PCDH15: variants seen among roughly 807,000 people sequenced by gnomAD.
PCDH15 encodes the protein protocadherin related 15, also known as protocadherin-15.
Under a neutral mutation model 178.5 loss-of-function variants are expected in PCDH15, and 129 were observed. The observed-to-expected ratio is 0.72, with a 90% confidence interval of 0.63 to 0.84. The LOEUF (loss-of-function observed/expected upper bound fraction) is 0.84. PCDH15 is among the 40% of genes least tolerant of loss of function. PCDH15 has a pLI of 0.00. For missense variants in PCDH15, 2,230 were observed against 2,099.9 expected, an observed-to-expected ratio of 1.06 and a Z score of -1.21; for synonymous variants, 800 against 732.0, an observed-to-expected ratio of 1.09 and a Z score of -1.50.
chr10:54,928,876 C>A (rs898031886), intron 2 of PCDH15, among the ~76,000 whole-genome samples: 6 of 152,076 alleles, frequency 3.9e-5, no homozygotes, highest in African/African-American at 1.4e-4. Context: ...TCAACATACT[C>A]CTGCACCTCA....
intron 8 of PCDH15, among the ~76,000 whole-genome samples, chr10:54,307,647 A>G (rs555894871): frequency 2.6e-4 from 40 of 152,128 alleles, no homozygotes; most frequent in African/African-American, 9.4e-4. Context: ...TGCATAATTA[A>G]TTCAGCACAA....
intron 2 of PCDH15, among the ~76,000 whole-genome samples, chr10:55,091,394 T>C (rs890563417): frequency 1.3e-5 from 2 of 151,920 alleles, no homozygotes; most frequent in Non-Finnish European, 2.9e-5. Flanking sequence ...CACCAGTTTC[T>C]ATAGTTTTCC....
intron 3 of PCDH15, among the ~76,000 whole-genome samples, chr10:54,407,378 A>C (rs1011904768): frequency 2.0e-5 from 3 of 152,114 alleles, no homozygotes; most frequent in African/African-American, 7.2e-5. Flanking sequence ...TCAAATATCC[A>C]TAAATATAAT....
chr10:55,454,412 T>TA (rs1457755457), intron 2 of PCDH15, among the ~76,000 whole-genome samples: 2 of 151,998 alleles, frequency 1.3e-5, no homozygotes, highest in African/African-American at 2.4e-5. Context: ...AACAAAACTA[T>TA]AAAAAAAATC....
chr10:55,446,862 C>T (rs60957707), intron 2 of PCDH15, among the ~76,000 whole-genome samples: 1 of 152,014 alleles, frequency 6.6e-6, no homozygotes, highest in Non-Finnish European at 1.5e-5. Flanking sequence ...CACCACTCAG[C>T]TAAGACTTGT....
intron 2 of PCDH15, among the ~76,000 whole-genome samples, chr10:54,643,250 CAT>C (rs1296058321): frequency 1.3e-5 from 2 of 152,130 alleles, no homozygotes; most frequent in Non-Finnish European, 2.9e-5. Flanking sequence ...CCTACTCTGA[CAT>C]ATGTTTTTTC....
intron 3 of PCDH15, among the ~76,000 whole-genome samples, chr10:54,839,485 G>A (rs979137423): frequency 2.0e-5 from 3 of 151,858 alleles, no homozygotes; most frequent in African/African-American, 4.8e-5. Context: ...AGAAATAAAG[G>A]AAAAACTGTA....
intron 29 of PCDH15, among the ~76,000 whole-genome samples, chr10:53,834,522 T>TG (rs941202293): frequency 8.6e-5 from 13 of 151,904 alleles, no homozygotes; most frequent in African/African-American, 3.1e-4. Flanking sequence ...AAATGTGTTT[T>TG]TTTTTTTTTT....
chr10:54,096,750 G>A (rs1410890618), intron 15 of PCDH15, among the ~76,000 whole-genome samples: 2 of 152,132 alleles, frequency 1.3e-5, no homozygotes, highest in Admixed American at 6.6e-5. Flanking sequence ...ACTACCAAAT[G>A]TCCTACTTCT....
At chr10:55,626,159 G>GAAAA (rs1837523936) in intron 2 of PCDH15, among the ~76,000 whole-genome samples, 1 of 151,032 alleles carries the variant, frequency 6.6e-6, no homozygotes, top group Non-Finnish European at 1.5e-5. Context: ...GAGAGAGAGA[G>GAAAA]AATAAATAAA....
At chr10:54,998,253 T>C (rs1839695131) in intron 2 of PCDH15, among the ~76,000 whole-genome samples, 3 of 152,158 alleles carry the variant, frequency 2.0e-5, no homozygotes, top group South Asian at 4.1e-4. Context: ...AAGTATGTCA[T>C]TGTCTGTGTA....
At chr10:55,486,360 A>G (rs1307473365) in intron 2 of PCDH15, among the ~76,000 whole-genome samples, 2 of 151,788 alleles carry the variant, frequency 1.3e-5, no homozygotes, top group East Asian at 2.0e-4. Context: ...AATTTTTTCT[A>G]TATGTATGAG....
intron 8 of PCDH15, among the ~76,000 whole-genome samples, chr10:54,255,243 C>G (rs1228275450): frequency 6.6e-6 from 1 of 152,158 alleles, no homozygotes; most frequent in African/African-American, 2.4e-5. Flanking sequence ...TTACTTGTTT[C>G]TCTCTCAGTA....
At chr10:55,390,010 C>T (rs947047871) in intron 2 of PCDH15, among the ~76,000 whole-genome samples, 2 of 151,808 alleles carry the variant, frequency 1.3e-5, no homozygotes, top group Non-Finnish European at 2.9e-5. Context: ...AAAGAGTTTC[C>T]TTATACTGCA....
intron 3 of PCDH15, among the ~76,000 whole-genome samples, chr10:54,506,791 C>CA (rs991190047): frequency 2.6e-5 from 4 of 151,420 alleles, no homozygotes; most frequent in South Asian, 2.1e-4. Flanking sequence ...GGGTAGGAGA[C>CA]AAAAAAATGA....
At chr10:55,319,638 T>C (rs1325806554), upstream of PCDH15, 2 of 152,140 alleles carry the variant, frequency 1.3e-5, no homozygotes, top group African/African-American at 4.8e-5. Context: ...CCAGGACTTG[T>C]TCCTGGCTCC....
At chr10:54,256,485 A>C (rs941977563) in intron 8 of PCDH15, among the ~76,000 whole-genome samples, 5 of 152,182 alleles carry the variant, frequency 3.3e-5, no homozygotes, top group Non-Finnish European at 7.4e-5. Flanking sequence ...CTGTAGGTTT[A>C]ATTTTCACAA....
chr10:55,084,311 C>T (rs1025478045), intron 2 of PCDH15, among the ~76,000 whole-genome samples: 5 of 151,504 alleles, frequency 3.3e-5, no homozygotes, highest in African/African-American at 1.2e-4. Context: ...GCGCCAAGAG[C>T]GTACATTGGG....
chr10:55,585,685 T>C (rs896502722), intron 2 of PCDH15, among the ~76,000 whole-genome samples: 1 of 152,002 alleles, frequency 6.6e-6, no homozygotes, highest in African/African-American at 2.4e-5. Context: ...CAAGTAGGTA[T>C]GTGTATATAT....
Sources: gnomAD v4.1 joint callset for allele counts (sites outside exome capture counted in the v4.1 genomes callset) on GRCh38, gnomAD v4.1.1 for gene constraint, MANE v1.5 for transcripts, NCBI Gene and HGNC (gene_info 2026-07-23, HGNC 2026-07-21) for gene names.